SLC6A17: variants seen among roughly 807,000 people sequenced by gnomAD.
The protein encoded by SLC6A17 is sodium-dependent neutral amino acid transporter SLC6A17.
In SLC6A17, 21 loss-of-function variants were observed where a neutral mutation model predicts 64.5. The observed-to-expected ratio is 0.33, with a 90% CI of 0.23 to 0.47. The LOEUF (loss-of-function observed/expected upper bound fraction) is 0.47, where lower values mean the gene tolerates loss of function less well. SLC6A17 is among the 20% of genes least tolerant of loss of function. SLC6A17 has a pLI of 1.00. For missense variants in SLC6A17, 682 were observed against 963.2 expected, an observed-to-expected ratio of 0.71 and a Z score of 3.86; for synonymous variants, 372 against 399.5, an observed-to-expected ratio of 0.93 and a Z score of 0.82.
chr1:110,162,215 C>G (rs1271465434), intron 1 of SLC6A17, among the ~76,000 whole-genome samples: 1 of 152,252 alleles, frequency 6.6e-6, no homozygotes, highest in East Asian at 1.9e-4. Context: ...TAGAATACGG[C>G]TGGGCTGGCT....
At chr1:110,173,896 C>CG in intron 3 of SLC6A17, 77 bp from the exon 4 acceptor site, 5 of 1,517,642 alleles carry the variant, frequency 3.3e-6, no homozygotes, top group Admixed American at 2.0e-5. Context: ...TGCCGACGTG[C>CG]TGGGCCTCGG....
At chr1:110,156,370 T>A (rs532111586) in intron 1 of SLC6A17, among the ~76,000 whole-genome samples, 8 of 152,288 alleles carry the variant, frequency 5.3e-5, no homozygotes, top group Admixed American at 3.9e-4. Context: ...ATGGGTAGCA[T>A]GTGGCCCAGA....
In SLC6A17 at chr1:110,201,375, A is replaced by AC. The variant is rs1236575601; in HGVS notation, c.*2936dup. On this transcript the variant is annotated 3_prime_UTR_variant, in exon 12 of 12. Transcript: ENST00000331565. ...CCCCAAGTCCCTTCACAGGGTCCCC[A>AC]CCCCCACTGGCTTTGGTGCTGTCCA... 1 of 152,112 alleles carries AC rather than the reference A, an allele frequency of 6.6e-6. No individual in the cohort carries two copies. The highest frequency in any genetic ancestry group is 2.4e-5 in the African/African-American group (1 of 41,340). 9.4% of individuals were successfully genotyped at this position (152,112 alleles called of 1,614,324 possible).
chr1:110,183,526 TGAA>T (rs1367897093), intron 6 of SLC6A17, among the ~76,000 whole-genome samples: 1 of 152,122 alleles, frequency 6.6e-6, no homozygotes, highest in Admixed American at 6.5e-5. Flanking sequence ...TTTGGGGTGA[TGAA>T]GAGGTTTTAA....
Position 110,174,002 on chromosome 1 carries a change from T to C in SLC6A17, c.474T>C (p.Asn158=), listed in dbSNP as rs1301889306. The change falls in exon 4 of 12, where the codon AAT becomes AAC. Residue 158 remains asparagine, a synonymous_variant. Transcript: ENST00000331565. The part of the protein sequence containing the change: ...IVCLFVGLYY[N]VIIGWSIFYF... ...GTCTCTTTGTGGGGCTGTATTATAA[T>C]GTGATCATCGGGTGGAGCATCTTCT... 1.2e-6 allele frequency: 2 copies of C among 1,614,176 alleles called. No individual in the cohort carries two copies. The highest frequency in any genetic ancestry group is 2.2e-5 in the East Asian group (1 of 44,878).
intron 1 of SLC6A17, among the ~76,000 whole-genome samples, chr1:110,156,451 C>T (rs1383868105): frequency 6.6e-6 from 1 of 152,132 alleles, no homozygotes; most frequent in Non-Finnish European, 1.5e-5. Context: ...CCGTGTACCC[C>T]AGTGTGCCAT....
intron 2 of SLC6A17, 80 bp from the exon 3 acceptor site, chr1:110,171,980 G>A (rs1356078775): frequency 6.5e-7 from 1 of 1,544,636 alleles, no homozygotes; most frequent in African/African-American, 1.4e-5. Context: ...GCTGAGACTG[G>A]AAGACATGGC....
At chr1:110,190,842 CG>C (rs1472089057) in intron 6 of SLC6A17, among the ~76,000 whole-genome samples, 1 of 151,608 alleles carries the variant, frequency 6.6e-6, no homozygotes, top group Non-Finnish European at 1.5e-5. Flanking sequence ...GGGCCGGGGG[CG>C]GGGGCCTGGC....
At chr1:110,173,907 G>A (rs1035923620) in intron 3 of SLC6A17, 66 bp from the exon 4 acceptor site, 29 of 1,543,028 alleles carry the variant, frequency 1.9e-5, no homozygotes, top group Admixed American at 5.7e-5. Context: ...TGGGCCTCGG[G>A]TGGAGCGTGG....
Position 110,198,334 on chromosome 1 carries a change from C to T in SLC6A17, c.2074C>T (p.Arg692Cys), listed in dbSNP as rs200065927. The change falls in exon 12 of 12, where the codon CGT becomes TGT. Residue 692 changes from arginine to cysteine, a missense_variant. By Grantham distance (180) the Arg-to-Cys change is radical. This residue lies in a region of SLC6A17 where 264 missense variants were observed against 339.5 expected (regional missense o/e 0.78). Transcript: ENST00000331565. The stretch of plus-strand genomic sequence containing the variant: ...GGCACCTTCCCCCATGCCCACTCAC[C>T]GTTCCTATCTGGGGCCCGGCAGCAC... ...SEAPSPMPTHRSYLGPGSTSP... is the reference protein window; with the variant it reads ...SEAPSPMPTHCSYLGPGSTSP... 17 of 1,614,076 alleles carry T rather than the reference C, an allele frequency of 1.1e-5. No homozygotes were observed. Among genetic ancestry groups the T allele is most frequent in the South Asian group, 2.2e-5 (2 of 91,084 alleles).
intron 5 of SLC6A17, among the ~76,000 whole-genome samples, chr1:110,176,002 C>T (rs1194559935): frequency 6.6e-6 from 1 of 152,192 alleles, no homozygotes; most frequent in Non-Finnish European, 1.5e-5. Flanking sequence ...TAACACCAGA[C>T]TTGCATTCTC....
intron 8 of SLC6A17, among the ~76,000 whole-genome samples, chr1:110,193,017 C>T (rs752662626): frequency 5.3e-5 from 8 of 152,212 alleles, no homozygotes; most frequent in Non-Finnish European, 1.2e-4. Context: ...GTAATATACT[C>T]AGAACAGTGC....
intron 1 of SLC6A17, among the ~76,000 whole-genome samples, chr1:110,152,999 A>G (rs771099519): frequency 1.8e-4 from 28 of 152,130 alleles, no homozygotes; most frequent in Non-Finnish European, 2.2e-4. Context: ...TCCAACCCTC[A>G]AGTCTCCCCA....
At chr1:110,173,895 G>T in intron 3 of SLC6A17, 78 bp from the exon 4 acceptor site, 5 of 1,525,548 alleles carry the variant, frequency 3.3e-6, no homozygotes, top group South Asian at 1.3e-5. Context: ...CTGCCGACGT[G>T]CTGGGCCTCG....
intron 1 of SLC6A17, among the ~76,000 whole-genome samples, chr1:110,152,379 T>C (rs1384356383): frequency 2.0e-5 from 3 of 152,114 alleles, no homozygotes; most frequent in Admixed American, 1.3e-4. Context: ...CCAGCTCTGA[T>C]TGGAGTGAGT....
At position 110,199,884 on chromosome 1, in the gene SLC6A17, G is replaced by A; in HGVS notation, c.*1440G>A. The A allele has an allele frequency of 2.6e-6, 1 of 392,004 alleles. No homozygotes were observed. Among genetic ancestry groups the A allele is most frequent in the Non-Finnish European group, 4.5e-6 (1 of 222,452 alleles). 24.3% of individuals were successfully genotyped at this position (392,004 alleles called of 1,614,324 possible). On this transcript the variant is annotated 3_prime_UTR_variant, in exon 12 of 12. Coordinates refer to ENST00000331565, the MANE Select transcript of SLC6A17 (RefSeq NM_001010898.4). ...AGATGGATGGATGGGTTGGGGAGTG[G>A]GGGTGGATGGATGGATAGATGGATG...
intron 6 of SLC6A17, chr1:110,178,809 C>G (rs1364851568): frequency 6.6e-6 from 1 of 152,206 alleles, no homozygotes; most frequent in Non-Finnish European, 1.5e-5. Context: ...ATGACCTAAT[C>G]ACCTCCCAAA....
chr1:110,172,332 A>AG, intron 3 of SLC6A17, 115 bp downstream of exon 3: 2 of 1,311,800 alleles, frequency 1.5e-6, no homozygotes, highest in Non-Finnish European at 2.0e-6. Context: ...AAGGGCAGGG[A>AG]GGGGGATCCT....
intron 6 of SLC6A17, among the ~76,000 whole-genome samples, chr1:110,178,313 C>T (rs147694072): frequency 6.6e-6 from 1 of 152,144 alleles, no homozygotes; most frequent in Non-Finnish European, 1.5e-5. Flanking sequence ...GTATGTAACT[C>T]TAGGAGCAAG....
Sources: allele counts gnomAD v4.1 joint callset (sites outside exome capture counted in the v4.1 genomes callset), GRCh38; gene constraint gnomAD v4.1.1; regional missense constraint gnomAD v4.1.1; transcripts MANE v1.5; gene names NCBI Gene and HGNC (gene_info 2026-07-23, HGNC 2026-07-21).